The following SMIM13 variants were observed in gnomAD, a reference collection of about 807,000 sequenced individuals.
The protein encoded by SMIM13 is UPF0766 protein C6orf228.
SMIM13 carries 3 observed loss-of-function variants against 5.9 expected under a neutral mutation model. The ratio of observed to expected loss-of-function variants is 0.51; its 90% confidence interval spans 0.23 to 1.31. SMIM13 has a LOEUF of 1.31. Among genes scored for constraint, SMIM13 ranks in the 40% most tolerant of loss-of-function variants. The probability of loss-of-function intolerance (pLI) is 0.18; values close to 1 mark genes in which losing one functional copy is unlikely to be tolerated. For missense variants in SMIM13, 85 were observed against 109.9 expected, an observed-to-expected ratio of 0.77 and a Z score of 1.01; for synonymous variants, 55 against 46.0, an observed-to-expected ratio of 1.19 and a Z score of -0.79.
chr6:11,106,215 T>C (rs1758080575), intron 1 of SMIM13, among the ~76,000 whole-genome samples: 2 of 152,202 alleles, frequency 1.3e-5, no homozygotes, highest in Non-Finnish European at 2.9e-5. Context: ...CCTGTGCCTT[T>C]TCAGTCCTTG....
At chr6:11,095,966 A>G (rs538622049) in intron 1 of SMIM13, among the ~76,000 whole-genome samples, 14 of 152,322 alleles carry the variant, frequency 9.2e-5, no homozygotes, top group African/African-American at 2.6e-4. Flanking sequence ...ACCCTACCAT[A>G]CCTTCACTAG....
At chr6:11,117,979 G>T (rs183462958) in intron 1 of SMIM13, among the ~76,000 whole-genome samples, 3,066 of 152,116 alleles carry the variant, frequency 0.02, 46 homozygotes, top group South Asian at 0.049. Flanking sequence ...CAGGTGACCC[G>T]CCCGCCTCGG....
rs993472899 is a variant in SMIM13 at position 11,137,082 on chromosome 6, G to A, written c.*2480G>A. 3 of 152,068 alleles carry A rather than the reference G, an allele frequency of 2.0e-5. No homozygotes were observed. Among genetic ancestry groups the A allele is most frequent in the Non-Finnish European group, 2.9e-5 (2 of 67,974 alleles). 9.4% of individuals were successfully genotyped at this position (152,068 alleles called of 1,614,324 possible). ...CCCAAATTAATACAGGTTAACCTTT[G>A]TAGAGGTATATATGTTGGCATTATT... is the stretch of plus-strand genomic sequence containing the variant. On this transcript the variant is annotated 3_prime_UTR_variant, in exon 2 of 2. Transcript: ENST00000416247.
At chr6:11,112,193 G>T (rs1758177107) in intron 1 of SMIM13, among the ~76,000 whole-genome samples, 1 of 151,926 alleles carries the variant, frequency 6.6e-6, no homozygotes, top group Non-Finnish European at 1.5e-5. Context: ...CCCTGCTCAT[G>T]TCTGCCTGAC....
chr6:11,104,120 T>C, intron 1 of SMIM13: 1 of 1,551,694 alleles, frequency 6.4e-7, no homozygotes, highest in African/African-American at 1.4e-5. Flanking sequence ...TCGTTAAGGC[T>C]TTAGCCATGG....
At chr6:11,111,630 G>T (rs1758168619) in intron 1 of SMIM13, 1 of 152,290 alleles carries the variant, frequency 6.6e-6, no homozygotes, top group Non-Finnish European at 1.5e-5. Flanking sequence ...CACGTACGAG[G>T]GTTGAACGCC....
At chr6:11,129,572 G>A (rs762889939) in intron 1 of SMIM13, among the ~76,000 whole-genome samples, 1 of 151,906 alleles carries the variant, frequency 6.6e-6, no homozygotes, top group Non-Finnish European at 1.5e-5. Context: ...TGGATCATAT[G>A]GTAAATCTGT....
chr6:11,127,291 G>T (rs1303833176), intron 1 of SMIM13, among the ~76,000 whole-genome samples: 1 of 152,140 alleles, frequency 6.6e-6, no homozygotes, highest in Non-Finnish European at 1.5e-5. Context: ...AATTTACCTG[G>T]TGCTCTCTAT....
At position 11,135,233 on chromosome 6, in the gene SMIM13, G is replaced by A. The variant is rs1033880538; in HGVS notation, c.*631G>A. 17 of 152,582 alleles carry A rather than the reference G, an allele frequency of 1.1e-4. No individual in the cohort carries two copies. The highest frequency in any genetic ancestry group is 3.6e-4 in the African/African-American group (15 of 41,432). The allele number at this position is 152,582 out of a possible 1,614,324, so 9.5% of individuals were successfully genotyped here. A position where few individuals can be genotyped will look rare whatever the true frequency, so the allele number is the denominator to read the frequency against. On this transcript the variant is annotated 3_prime_UTR_variant, in exon 2 of 2. Coordinates refer to ENST00000416247, the MANE Select transcript of SMIM13 (RefSeq NM_001135575.2). ...GATATTAGTGAAGCAAATATTCGTC[G>A]CTGGAGAAATGATCGCAATTCCATA...
chr6:11,124,549 T>C (rs1431622305), intron 1 of SMIM13, among the ~76,000 whole-genome samples: 2 of 151,952 alleles, frequency 1.3e-5, no homozygotes, highest in African/African-American at 4.8e-5. Flanking sequence ...GATCATATGG[T>C]GGTTTTATTT....
chr6:11,100,470 C>T (rs1209913651), intron 1 of SMIM13, among the ~76,000 whole-genome samples: 1 of 152,140 alleles, frequency 6.6e-6, no homozygotes, highest in Non-Finnish European at 1.5e-5. Context: ...CCTTCCCCCA[C>T]CCAGATCCAG....
intron 1 of SMIM13, among the ~76,000 whole-genome samples, chr6:11,131,221 C>T (rs1287232240): frequency 6.6e-6 from 1 of 152,114 alleles, no homozygotes; most frequent in Non-Finnish European, 1.5e-5. Context: ...TATAAGTCTA[C>T]AGACTATTCA....
intron 1 of SMIM13, among the ~76,000 whole-genome samples, chr6:11,106,466 A>C (rs1758085018): frequency 6.6e-6 from 1 of 152,238 alleles, no homozygotes; most frequent in Admixed American, 6.5e-5. Context: ...CCCACTGAAC[A>C]CTGGTTTACA....
At chr6:11,125,574 G>GC (rs1758367150) in intron 1 of SMIM13, among the ~76,000 whole-genome samples, 2 of 152,186 alleles carry the variant, frequency 1.3e-5, no homozygotes, top group African/African-American at 4.8e-5. Context: ...CCAGACTCCA[G>GC]CCTGGGTGAC....
At chr6:11,116,842 G>A (rs965146066) in intron 1 of SMIM13, among the ~76,000 whole-genome samples, 3 of 151,748 alleles carry the variant, frequency 2.0e-5, no homozygotes, top group African/African-American at 7.3e-5. Flanking sequence ...TGGTTTATGC[G>A]TATATCTATA....
intron 1 of SMIM13, among the ~76,000 whole-genome samples, chr6:11,117,041 A>AG (rs1758249481): frequency 9.0e-6 from 1 of 111,646 alleles, no homozygotes. Context: ...GCCAGGCTGG[A>AG]GTGCAGTGGC....
intron 1 of SMIM13, among the ~76,000 whole-genome samples, chr6:11,099,009 A>T (rs72825113): frequency 1.3e-5 from 2 of 152,050 alleles, no homozygotes; most frequent in Non-Finnish European, 2.9e-5. Flanking sequence ...AGAAGATTCT[A>T]TTTTTTTCTA....
chr6:11,134,511 C>T lies in SMIM13; in HGVS notation c.185C>T (p.Thr62Ile). ...GATCATGAGCCTTCAGGGTCTGAAA[C>T]TGAAGAAGACACTTCCTCCTCTCCA... ...EGDHEPSGSE[T>I]EEDTSSSPHR... The change falls in exon 2 of 2, where the codon ACT becomes ATT. Residue 62 changes from threonine (T) to isoleucine (I), a missense_variant. Thr to Ile is a moderately conservative substitution (Grantham distance 89, BLOSUM62 -1). Coordinates refer to ENST00000416247, the MANE Select transcript of SMIM13 (RefSeq NM_001135575.2). 1 of 1,551,142 alleles carries T rather than the reference C, an allele frequency of 6.4e-7. No homozygotes were observed. The highest frequency in any genetic ancestry group is 2.4e-5 in the East Asian group (1 of 40,906).
chr6:11,101,596 T>G (rs961851477), intron 1 of SMIM13, among the ~76,000 whole-genome samples: 2 of 151,872 alleles, frequency 1.3e-5, no homozygotes, highest in Admixed American at 6.6e-5. Context: ...GGTCAAAGAG[T>G]GCAGGGGTGA....
Sources: gnomAD v4.1 joint callset for allele counts (sites outside exome capture counted in the v4.1 genomes callset) on GRCh38, gnomAD v4.1.1 for gene constraint, MANE v1.5 for transcripts, NCBI Gene and HGNC (gene_info 2026-07-23, HGNC 2026-07-21) for gene names.